Variants in UNC13C observed in about 807,000 individuals in gnomAD.
UNC13C encodes unc-13 homolog C, also known as protein unc-13 homolog C.
In UNC13C, 174 loss-of-function variants were observed where a neutral mutation model predicts 245.4. The ratio of observed to expected loss-of-function variants is 0.71; its 90% CI spans 0.63 to 0.80. The LOEUF is 0.80. Ranked by LOEUF, UNC13C falls within the 30% of genes least tolerant of loss-of-function variation. The probability of loss-of-function intolerance (pLI) is 0.00; values close to 1 mark genes in which losing one functional copy is unlikely to be tolerated. For missense variants in UNC13C, 2,829 were observed against 2,602.9 expected (o/e 1.09, Z -1.89); for synonymous variants, 992 against 895.1 (o/e 1.11, Z -1.93).
At chr15:54,161,465 A>G (rs1025361936) in intron 4 of UNC13C, among the ~76,000 whole-genome samples, 5 of 152,182 alleles carry the variant, frequency 3.3e-5, no homozygotes, top group African/African-American at 1.2e-4. Flanking sequence ...GTAGCTGGCC[A>G]ATTTAAATAT....
chr15:54,068,114 A>G (rs1898153462), intron 2 of UNC13C, among the ~76,000 whole-genome samples: 1 of 152,120 alleles, frequency 6.6e-6, no homozygotes, highest in East Asian at 1.9e-4. Context: ...GCCTTTTGGG[A>G]GCTCCTGTAG....
At chr15:54,031,028 G>T (rs966272257) in intron 2 of UNC13C, among the ~76,000 whole-genome samples, 2 of 151,994 alleles carry the variant, frequency 1.3e-5, no homozygotes, top group African/African-American at 2.4e-5. Context: ...CTGTGATGCT[G>T]TGTCTCCCAA....
At chr15:54,572,460 C>A (rs966565126) in intron 30 of UNC13C, among the ~76,000 whole-genome samples, 2 of 131,722 alleles carry the variant, frequency 1.5e-5, no homozygotes, top group African/African-American at 5.8e-5. Context: ...GAGTCTTGCT[C>A]TGTCACCCAA....
chr15:54,273,088 G>A lies in UNC13C; in HGVS notation c.3818+7592G>A, dbSNP rs1041602469. Among the ~76,000 whole-genome samples, 95 of 152,282 alleles carry A rather than the reference G, an allele frequency of 6.2e-4. 1 individual carries two copies. Among genetic ancestry groups the A allele is most frequent in the African/African-American group, 2.1e-3 (86 of 41,550 alleles). ...GCAATCTTTGTGGGTAAAAAGGACT[G>A]TTCTGCAGGAATCTGTCTCAGTCAG... On this transcript the variant is annotated intron_variant, in intron 10 of 32. Transcript: ENST00000260323.
At chr15:54,105,000 C>T (rs1900361642) in intron 2 of UNC13C, among the ~76,000 whole-genome samples, 1 of 152,170 alleles carries the variant, frequency 6.6e-6, no homozygotes, top group African/African-American at 2.4e-5. Context: ...GAAATCTCAT[C>T]TCTAAGGCTC....
At chr15:54,226,678 T>C (rs534671236) in intron 4 of UNC13C, among the ~76,000 whole-genome samples, 1 of 152,196 alleles carries the variant, frequency 6.6e-6, no homozygotes, top group Non-Finnish European at 1.5e-5. Context: ...CCAGCCACGG[T>C]GTAAAACCAA....
intron 4 of UNC13C, among the ~76,000 whole-genome samples, chr15:54,158,650 T>A (rs185552773): frequency 6.6e-6 from 1 of 151,128 alleles, no homozygotes; most frequent in East Asian, 1.9e-4. Flanking sequence ...TTTTTCTTTT[T>A]ATTTTTTTTA....
At chr15:54,403,119 C>G (rs997858999) in intron 18 of UNC13C, among the ~76,000 whole-genome samples, 5 of 152,194 alleles carry the variant, frequency 3.3e-5, no homozygotes, top group African/African-American at 1.2e-4. Context: ...AAACAGTTAT[C>G]TAAACTCAGT....
the UNC13C span, among the ~76,000 whole-genome samples, chr15:53,851,404 T>C: frequency 6.6e-6 from 1 of 152,190 alleles, no homozygotes; most frequent in East Asian, 1.9e-4. Flanking sequence ...GCCCCAGTTT[T>C]AATGCCTAGC....
At chr15:54,031,920 T>A (rs1012454732) in intron 2 of UNC13C, among the ~76,000 whole-genome samples, 1 of 152,244 alleles carries the variant, frequency 6.6e-6, no homozygotes, top group Non-Finnish European at 1.5e-5. Context: ...TACATTTTGC[T>A]TGTTACAACA....
intron 26 of UNC13C, among the ~76,000 whole-genome samples, chr15:54,542,712 G>A (rs1347151860): frequency 6.6e-6 from 1 of 152,082 alleles, no homozygotes; most frequent in Non-Finnish European, 1.5e-5. Flanking sequence ...ATTTATATTA[G>A]TTAGCTCTTC....
intron 7 of UNC13C, among the ~76,000 whole-genome samples, chr15:54,238,624 T>C (rs1380328089): frequency 6.6e-6 from 1 of 152,230 alleles, no homozygotes; most frequent in African/African-American, 2.4e-5. Context: ...TTCTGTTTTA[T>C]TATTTTTATT....
intron 19 of UNC13C, among the ~76,000 whole-genome samples, chr15:54,472,674 T>C (rs981376618): frequency 4.0e-5 from 6 of 151,890 alleles, no homozygotes; most frequent in African/African-American, 1.4e-4. Flanking sequence ...GTATTATTGG[T>C]TGACAGTTTT....
At chr15:53,965,583 T>TTAC in the UNC13C span, among the ~76,000 whole-genome samples, 5 of 150,454 alleles carry the variant, frequency 3.3e-5, no homozygotes, top group African/African-American at 1.2e-4. Context: ...ATTATTATTA[T>TTAC]ACTTTAAGTT....
At chr15:54,505,127 A>G (rs1392364596) in intron 22 of UNC13C, among the ~76,000 whole-genome samples, 2 of 152,014 alleles carry the variant, frequency 1.3e-5, no homozygotes, top group African/African-American at 2.4e-5. Flanking sequence ...CCTCATGACT[A>G]TTTCTTTAGA....
At chr15:54,486,131 C>T (rs1018219818) in intron 19 of UNC13C, among the ~76,000 whole-genome samples, 6 of 151,926 alleles carry the variant, frequency 3.9e-5, no homozygotes, top group Non-Finnish European at 8.8e-5. Flanking sequence ...ACCCAGTGGC[C>T]GGGCATGGTG....
At chr15:53,841,502 G>C in the UNC13C span, among the ~76,000 whole-genome samples, 1 of 151,976 alleles carries the variant, frequency 6.6e-6, no homozygotes, top group East Asian at 1.9e-4. Context: ...AAATCTGCCG[G>C]CAACTAATAG....
chr15:54,500,321 G>A, intron 21 of UNC13C, 146 bp downstream of exon 21: 1 of 665,056 alleles, frequency 1.5e-6, no homozygotes, highest in Non-Finnish European at 2.5e-6. Context: ...AATTTCAGTG[G>A]TCTGGTCAGA....
chr15:54,578,451 T>TTC (rs1355488068), intron 30 of UNC13C, among the ~76,000 whole-genome samples: 2 of 152,224 alleles, frequency 1.3e-5, no homozygotes, highest in African/African-American at 4.8e-5. Flanking sequence ...TATCAGTGAT[T>TTC]AGAATCCCTG....
Sources: gnomAD v4.1 joint callset for allele counts (sites outside exome capture counted in the v4.1 genomes callset) on GRCh38, gnomAD v4.1.1 for gene constraint, MANE v1.5 for transcripts, NCBI Gene and HGNC (gene_info 2026-07-23, HGNC 2026-07-21) for gene names.